QTMAN: variants seen among roughly 807,000 people sequenced by gnomAD.
The protein encoded by QTMAN is queuosine-tRNA mannosyltransferase, also known as tRNA-queuosine alpha-mannosyltransferase.
chr2:144,078,055 T>C, the QTMAN span, among the ~76,000 whole-genome samples: 1 of 152,204 alleles, frequency 6.6e-6, no homozygotes, highest in Admixed American at 6.5e-5. Context: ...TTTGGCACTT[T>C]AAATTTTAAA....
chr2:144,044,245 T>A, the QTMAN span, among the ~76,000 whole-genome samples: 1 of 152,174 alleles, frequency 6.6e-6, no homozygotes, highest in Non-Finnish European at 1.5e-5. Context: ...TTAAAAAAAA[T>A]ACATACATAT....
At chr2:143,959,100 C>CTT in the QTMAN span, among the ~76,000 whole-genome samples, 1 of 151,932 alleles carries the variant, frequency 6.6e-6, no homozygotes, top group East Asian at 1.9e-4. Context: ...CAACTATGTC[C>CTT]TTAGTATCTA....
chr2:144,058,590 A>G, the QTMAN span, among the ~76,000 whole-genome samples: 1 of 152,184 alleles, frequency 6.6e-6, no homozygotes, highest in African/African-American at 2.4e-5. Context: ...TCTGGCTTCT[A>G]ATTTATACTG....
chr2:143,950,066 G>C, the QTMAN span, among the ~76,000 whole-genome samples: 2 of 151,682 alleles, frequency 1.3e-5, no homozygotes, highest in Non-Finnish European at 3.0e-5. Flanking sequence ...ATGTGTTACA[G>C]ATTTATAAGA....
the QTMAN span, among the ~76,000 whole-genome samples, chr2:143,971,472 T>A: frequency 6.6e-6 from 1 of 152,186 alleles, no homozygotes; most frequent in Non-Finnish European, 1.5e-5. Context: ...ATTATTTTTT[T>A]TTGTTTAGCT....
the QTMAN span, among the ~76,000 whole-genome samples, chr2:144,332,204 T>C: frequency 6.6e-6 from 1 of 151,926 alleles, no homozygotes; most frequent in Middle Eastern, 3.4e-3. Flanking sequence ...CCGAGCGCGG[T>C]GCGGACGGCG....
chr2:144,118,566 G>A, the QTMAN span, among the ~76,000 whole-genome samples: 2 of 152,180 alleles, frequency 1.3e-5, no homozygotes, highest in Non-Finnish European at 2.9e-5. Context: ...GCTCTATGAT[G>A]TTGAATTTGC....
chr2:144,070,993 G>C, the QTMAN span, among the ~76,000 whole-genome samples: 1 of 152,060 alleles, frequency 6.6e-6, no homozygotes, highest in African/African-American at 2.4e-5. Flanking sequence ...AGTCATGATG[G>C]GATGTCCTGC....
the QTMAN span, among the ~76,000 whole-genome samples, chr2:144,332,768 C>G: frequency 1.3e-5 from 2 of 152,180 alleles, no homozygotes; most frequent in Non-Finnish European, 2.9e-5. Flanking sequence ...CGCACTGCTC[C>G]CCACCTCCCT....
At chr2:144,248,634 A>C in the QTMAN span, among the ~76,000 whole-genome samples, 1 of 152,164 alleles carries the variant, frequency 6.6e-6, no homozygotes, top group East Asian at 1.9e-4. Flanking sequence ...AAGACAGGAC[A>C]GTGTCTAACC....
chr2:144,169,336 A>C, the QTMAN span, among the ~76,000 whole-genome samples: 1 of 152,164 alleles, frequency 6.6e-6, no homozygotes, highest in Non-Finnish European at 1.5e-5. Context: ...AGTATATACA[A>C]AAACTGACAG....
At chr2:143,997,152 A>AC in the QTMAN span, among the ~76,000 whole-genome samples, 6 of 151,948 alleles carry the variant, frequency 3.9e-5, no homozygotes, top group African/African-American at 1.2e-4. Flanking sequence ...CTCTGTAAAT[A>AC]CCCCCCTTTC....
chr2:144,191,794 G>C, the QTMAN span, among the ~76,000 whole-genome samples: 1 of 152,082 alleles, frequency 6.6e-6, no homozygotes, highest in Non-Finnish European at 1.5e-5. Flanking sequence ...TAACCCTAAA[G>C]TATACTTTGT....
chr2:143,985,269 C>T, the QTMAN span, among the ~76,000 whole-genome samples: 4 of 152,156 alleles, frequency 2.6e-5, no homozygotes, highest in East Asian at 1.9e-4. Context: ...CTGAGCACAG[C>T]GGCTGAGTAA....
chr2:144,283,680 A>G, the QTMAN span, among the ~76,000 whole-genome samples: 4 of 152,178 alleles, frequency 2.6e-5, no homozygotes, highest in Non-Finnish European at 4.4e-5. Flanking sequence ...TAACCAAAAT[A>G]TAGTTACTTG....
At chr2:144,032,055 T>C in the QTMAN span, among the ~76,000 whole-genome samples, 1 of 152,292 alleles carries the variant, frequency 6.6e-6, no homozygotes, top group Non-Finnish European at 1.5e-5. Context: ...AGTGCTGGGA[T>C]TACAGGCATG....
chr2:144,246,159 T>C, the QTMAN span, among the ~76,000 whole-genome samples: 2 of 152,184 alleles, frequency 1.3e-5, no homozygotes, highest in Non-Finnish European at 2.9e-5. Context: ...CATATGCACA[T>C]GGGCACATGT....
the QTMAN span, among the ~76,000 whole-genome samples, chr2:144,240,600 T>C: frequency 6.6e-6 from 1 of 152,246 alleles, no homozygotes; most frequent in African/African-American, 2.4e-5. Context: ...TTCCTTTATT[T>C]ACTTTATACT....
chr2:144,037,590 G>A, the QTMAN span, among the ~76,000 whole-genome samples: 15,442 of 152,106 alleles, frequency 0.1, 1,190 homozygotes, highest in East Asian at 0.25. Flanking sequence ...ACCTGAGAAC[G>A]CTCTGTTCTA....
Sources: allele counts gnomAD v4.1 joint callset (sites outside exome capture counted in the v4.1 genomes callset), GRCh38; gene constraint gnomAD v4.1.1; transcripts MANE v1.5; gene names NCBI Gene and HGNC (gene_info 2026-07-23, HGNC 2026-07-21).